HMCN1: variants seen among roughly 807,000 people sequenced by gnomAD.
The protein encoded by HMCN1 is hemicentin-1.
HMCN1 carries 321 observed loss-of-function variants against 625.9 expected under a neutral mutation model. The ratio of observed to expected loss-of-function variants is 0.51; its 90% CI spans 0.47 to 0.56. The LOEUF is 0.56. HMCN1 is among the 20% of genes least tolerant of loss of function. The pLI is 0.00. For missense variants in HMCN1, 6,588 were observed against 6,887.3 expected (o/e 0.96, Z 1.54); for synonymous variants, 2,425 against 2,417.6 (o/e 1.00, Z -0.09).
chr1:185,884,160 A>G (rs980027899), intron 4 of HMCN1, among the ~76,000 whole-genome samples: 1 of 151,802 alleles, frequency 6.6e-6, no homozygotes, highest in Non-Finnish European at 1.5e-5. Context: ...TAATTTCACC[A>G]TGTATTCAAT....
intron 1 of HMCN1, among the ~76,000 whole-genome samples, chr1:185,793,586 C>A (rs1486341902): frequency 6.6e-6 from 1 of 152,092 alleles, no homozygotes; most frequent in Non-Finnish European, 1.5e-5. Context: ...TTTGGGAGGC[C>A]ATTATTCTGC....
rs560384245 is a variant in HMCN1 at position 185,776,474 on chromosome 1, G to C, written c.268+41427G>C. ...TGTGTGTGTGTGTGTGTGTGTGTGT[G>C]TGTTCAGTCTTTAGTCAATGAAAAT... On this transcript the variant is annotated intron_variant, in intron 1 of 106. Transcript: ENST00000271588. 1.2e-4 allele frequency among the ~76,000 whole-genome samples: 18 copies of C among 146,390 alleles called. 1 individual carries two copies. In the South Asian group the frequency reaches 3.9e-3, roughly 31 times the overall value.
intron 55 of HMCN1, 72 bp from the exon 56 acceptor site, chr1:186,081,135 C>A: frequency 7.8e-7 from 1 of 1,282,102 alleles, no homozygotes; most frequent in Non-Finnish European, 1.1e-6. Context: ...GTTTTTAAAG[C>A]TGTCAGAAAA....
chr1:186,114,166 T>A, intron 73 of HMCN1, 43 bp downstream of exon 73: 1 of 1,607,972 alleles, frequency 6.2e-7, no homozygotes, highest in Admixed American at 1.7e-5. Flanking sequence ...AGACCTGAAA[T>A]ACAAATTCTT....
At chr1:185,950,464 G>A (rs1231521762) in intron 11 of HMCN1, among the ~76,000 whole-genome samples, 2 of 151,884 alleles carry the variant, frequency 1.3e-5, no homozygotes, top group Non-Finnish European at 2.9e-5. Context: ...TGGCTCTTGT[G>A]TAAGAATTCT....
chr1:186,132,424 G>A lies in HMCN1; in HGVS notation c.13312+15G>A. 5 of 1,576,872 alleles carry A rather than the reference G, an allele frequency of 3.2e-6. No individual in the cohort carries two copies. The highest frequency in any genetic ancestry group is 4.3e-6 in the Non-Finnish European group (5 of 1,150,520). ...GACTCTGCAAAGTAAGCTGCTTAAT[G>A]AAACTAATTAAACACTTGATTTAGG... On this transcript the variant is annotated intron_variant, in intron 86 of 106. Transcript: ENST00000271588.
At chr1:186,030,768 C>T (rs566451641) in intron 36 of HMCN1, among the ~76,000 whole-genome samples, 57 of 151,660 alleles carry the variant, frequency 3.8e-4, no homozygotes, top group African/African-American at 1.3e-3. Flanking sequence ...TCTCTTTCTC[C>T]ATTGCTAACA....
chr1:185,744,543 C>T (rs1654252651), intron 1 of HMCN1, among the ~76,000 whole-genome samples: 1 of 152,136 alleles, frequency 6.6e-6, no homozygotes, highest in African/African-American at 2.4e-5. Context: ...GACTTCTTAC[C>T]ATTTGTCAGG....
chr1:186,157,020 C>T (rs1347631420), intron 97 of HMCN1, among the ~76,000 whole-genome samples: 1 of 152,094 alleles, frequency 6.6e-6, no homozygotes, highest in African/African-American at 2.4e-5. Context: ...ACACAGATAC[C>T]CAGGTCTCTT....
At chr1:186,066,547 T>C (rs541614273) in intron 49 of HMCN1, among the ~76,000 whole-genome samples, 33 of 152,294 alleles carry the variant, frequency 2.2e-4, no homozygotes, top group Admixed American at 9.2e-4. Context: ...CACCGTCTAC[T>C]GTCTCCACCA....
chr1:186,182,106 C>G lies in HMCN1; in HGVS notation c.16295-62C>G, dbSNP rs1244968033. ...ATATCAACAACTTGATGAGAGTTGG[C>G]TCTGTCACAGTGTCTGCTTTTTTCT... On this transcript the variant is annotated intron_variant, in intron 104 of 106. Coordinates refer to ENST00000271588, the MANE Select transcript of HMCN1 (RefSeq NM_031935.3). 3.1e-6 allele frequency: 5 copies of G among 1,593,342 alleles called. No homozygotes were observed. In the Admixed American group the frequency reaches 8.4e-5, roughly 27 times the overall value.
At position 185,766,579 on chromosome 1, in the gene HMCN1, A is replaced by G. The variant is rs574033810; in HGVS notation, c.268+31532A>G. 3.3e-5 allele frequency among the ~76,000 whole-genome samples: 5 copies of G among 152,270 alleles called. No homozygotes were observed. The South Asian group carries it at 1.0e-3, about 32-fold the overall frequency. On this transcript the variant is annotated intron_variant, in intron 1 of 106. Coordinates refer to ENST00000271588, the MANE Select transcript of HMCN1 (RefSeq NM_031935.3). ...AAATGAAATAAACAGATCTTTGAGA[A>G]GTTTTAGCCAATCACTGGTGTTCTC...
At chr1:185,906,828 G>A (rs1666122524) in intron 4 of HMCN1, among the ~76,000 whole-genome samples, 1 of 151,028 alleles carries the variant, frequency 6.6e-6, no homozygotes, top group African/African-American at 2.4e-5. Flanking sequence ...CAGATATTCT[G>A]TCCATTTGTT....
At chr1:186,096,304 A>G (rs1660135961) in intron 68 of HMCN1, among the ~76,000 whole-genome samples, 2 of 152,072 alleles carry the variant, frequency 1.3e-5, no homozygotes, top group South Asian at 2.1e-4. Context: ...TGTAACCCTA[A>G]AATTCTGCTT....
chr1:185,996,011 A>T (rs983270649), intron 24 of HMCN1, among the ~76,000 whole-genome samples: 1 of 152,100 alleles, frequency 6.6e-6, no homozygotes, highest in African/African-American at 2.4e-5. Context: ...GTTTTGTTGG[A>T]TGGTTGGCTA....
chr1:185,973,259 T>G (rs1650957679), intron 15 of HMCN1, among the ~76,000 whole-genome samples: 2 of 152,162 alleles, frequency 1.3e-5, no homozygotes, highest in South Asian at 4.1e-4. Context: ...AATATTAACT[T>G]CACAAATTAA....
chr1:186,155,081 G>C (rs1158964571), intron 97 of HMCN1, among the ~76,000 whole-genome samples: 1 of 152,170 alleles, frequency 6.6e-6, no homozygotes, highest in Non-Finnish European at 1.5e-5. Flanking sequence ...TCCTAAAATA[G>C]AGCCAAGTAA....
intron 4 of HMCN1, among the ~76,000 whole-genome samples, chr1:185,885,423 A>G (rs1401033074): frequency 6.6e-6 from 1 of 151,908 alleles, no homozygotes; most frequent in Admixed American, 6.6e-5. Flanking sequence ...GAATAATATG[A>G]TCCAATTATT....
In HMCN1 at chr1:185,754,220, C is replaced by T. The variant is rs1321667; in HGVS notation, c.268+19173C>T. 6.7e-3 allele frequency among the ~76,000 whole-genome samples: 1,013 copies of T among 152,118 alleles called. 12 individuals are homozygous for T. Among genetic ancestry groups the T allele is most frequent in the African/African-American group, 0.022 (901 of 41,510 alleles). On this transcript the variant is annotated intron_variant, in intron 1 of 106. Transcript: ENST00000271588. ...ATGTAGAGTCGAAAACAATCAAATT[C>T]ATAGGAACAGAGAGTAGAACAGTGG...
Sources: gnomAD v4.1 joint callset for allele counts (sites outside exome capture counted in the v4.1 genomes callset) on GRCh38, gnomAD v4.1.1 for gene constraint, MANE v1.5 for transcripts, NCBI Gene and HGNC (gene_info 2026-07-23, HGNC 2026-07-21) for gene names.